KDM4B: variants seen among roughly 807,000 people sequenced by gnomAD.
KDM4B encodes lysine demethylase 4B, also known as lysine-specific demethylase 4B.
A neutral mutation model predicts 125.2 loss-of-function variants in KDM4B; 32 were observed. That is an observed-to-expected ratio of 0.26 (90% CI 0.19 to 0.34). The LOEUF is 0.34. Among genes scored for constraint, KDM4B ranks in the 10% least tolerant of loss-of-function variants. KDM4B has a pLI of 1.00. For missense variants in KDM4B, 1,190 were observed against 1,577.7 expected (o/e 0.75, Z 4.16); for synonymous variants, 721 against 677.9 (o/e 1.06, Z -0.99).
intron 9 of KDM4B, among the ~76,000 whole-genome samples, chr19:5,088,155 C>T (rs1333054257): frequency 1.6e-4 from 24 of 152,208 alleles, no homozygotes. Flanking sequence ...CCCCCCGACT[C>T]GGGTAGGCCC....
intron 11 of KDM4B, among the ~76,000 whole-genome samples, chr19:5,124,827 C>T (rs1014340460): frequency 1.3e-5 from 2 of 152,164 alleles, no homozygotes; most frequent in Admixed American, 6.6e-5. Context: ...AACTCCTGAC[C>T]TCAGGTGATC....
chr19:5,110,792 C>G lies in KDM4B; in HGVS notation c.1089C>G (p.Ala363=), dbSNP rs755824001. Residue 363 remains alanine, a synonymous_variant, in exon 10 of 23, where the codon GCC becomes GCG. Coordinates refer to ENST00000159111, the MANE Select transcript of KDM4B (RefSeq NM_015015.3). The part of the protein sequence containing the change: ...PELSSWSASR[A]SLKAKLLRRS... ...TGAGCTCCTGGAGTGCATCCCGGGC[C>G]TCGCTGAAGGCCAAGCTCCTCCGCA... 3 of 1,596,436 alleles carry G rather than the reference C, an allele frequency of 1.9e-6. No individual in the cohort carries two copies. Among genetic ancestry groups the G allele is most frequent in the East Asian group, 2.3e-5 (1 of 44,174 alleles).
At chr19:5,098,689 A>T (rs976955738) in intron 9 of KDM4B, among the ~76,000 whole-genome samples, 1 of 152,122 alleles carries the variant, frequency 6.6e-6, no homozygotes, top group Non-Finnish European at 1.5e-5. Context: ...CGACGAGGGC[A>T]TGAGGGTGAT....
chr19:5,107,555 G>A (rs1375612858), intron 9 of KDM4B, among the ~76,000 whole-genome samples: 1 of 152,188 alleles, frequency 6.6e-6, no homozygotes, highest in African/African-American at 2.4e-5. Flanking sequence ...GGACTCTGTG[G>A]TGAGGCTCCC....
At chr19:5,113,998 C>A in intron 10 of KDM4B, 1 of 1,257,978 alleles carries the variant, frequency 7.9e-7, no homozygotes, top group Admixed American at 2.5e-5. Context: ...TCTCGTTGAG[C>A]GAGCGTTGGG....
chr19:5,016,574 G>A (rs35329415), intron 2 of KDM4B, among the ~76,000 whole-genome samples: 14,083 of 152,250 alleles, frequency 0.092, 787 homozygotes, highest in Middle Eastern at 0.23. Flanking sequence ...CTCGCCCTTC[G>A]GCATCGAACC....
At chr19:5,126,632 C>A (rs772885637) in intron 11 of KDM4B, among the ~76,000 whole-genome samples, 12 of 152,240 alleles carry the variant, frequency 7.9e-5, no homozygotes, top group Non-Finnish European at 1.8e-4. Context: ...TTTTAGAACA[C>A]GGAAAGCAAA....
intron 1 of KDM4B, among the ~76,000 whole-genome samples, chr19:5,000,234 TATCCATCCACCCACCC>T (rs1260543761): frequency 5.1e-4 from 30 of 59,194 alleles, no homozygotes; most frequent in African/African-American, 1.6e-3. Context: ...TCCACCCACC[TATCCATCCACCCACCC>T]ATCCATCCAC....
intron 9 of KDM4B, among the ~76,000 whole-genome samples, chr19:5,102,563 G>T (rs569819872): frequency 6.6e-6 from 1 of 152,276 alleles, no homozygotes; most frequent in East Asian, 1.9e-4. Flanking sequence ...AGCAGGGGAG[G>T]AATGGGGCCG....
intron 1 of KDM4B, among the ~76,000 whole-genome samples, chr19:4,978,905 C>T (rs915388305): frequency 6.6e-6 from 1 of 152,154 alleles, no homozygotes; most frequent in Non-Finnish European, 1.5e-5. Flanking sequence ...TCATGCGTGC[C>T]TGGTCAGGGG....
intron 6 of KDM4B, among the ~76,000 whole-genome samples, chr19:5,065,954 T>C (rs1010673941): frequency 1.3e-5 from 2 of 151,992 alleles, no homozygotes; most frequent in African/African-American, 2.4e-5. Flanking sequence ...CTGAGCCTGG[T>C]GGGGCATCCC....
At chr19:5,093,898 G>A (rs1049377063) in intron 9 of KDM4B, among the ~76,000 whole-genome samples, 12 of 152,224 alleles carry the variant, frequency 7.9e-5, no homozygotes, top group African/African-American at 1.4e-4. Flanking sequence ...CTGCAGCTGC[G>A]GCCTGGTGTG....
Position 5,131,876 on chromosome 19 carries a change from G to T in KDM4B, c.1786-11G>T, listed in dbSNP as rs909110010. The T allele has an allele frequency of 5.0e-6, 8 of 1,612,752 alleles. No individual in the cohort carries two copies. The highest frequency in any genetic ancestry group is 6.8e-6 in the Non-Finnish European group (8 of 1,179,842). ...AGCGGGGCCCTCACTACAGCCTGTT[G>T]TGTGTTTCAGGCACCGTCCACATTT... On this transcript the variant is annotated splice_polypyrimidine_tract_variant and intron_variant, in intron 12 of 22. Coordinates refer to ENST00000159111, the MANE Select transcript of KDM4B (RefSeq NM_015015.3).
At chr19:5,034,481 C>T (rs62114358) in intron 3 of KDM4B, among the ~76,000 whole-genome samples, 32,238 of 152,214 alleles carry the variant, frequency 0.21, 4,507 homozygotes, top group East Asian at 0.65. Context: ...AGGGCAAACG[C>T]GTATTGTTTT....
intron 10 of KDM4B, among the ~76,000 whole-genome samples, chr19:5,116,633 A>G (rs916044637): frequency 2.6e-5 from 4 of 152,176 alleles, no homozygotes; most frequent in Admixed American, 6.5e-5. Flanking sequence ...CACCCTGCAT[A>G]GGAGACCACA....
rs1483362831 is a variant in KDM4B, at chr19:5,048,734, C to A, written c.626+1065C>A. Among the ~76,000 whole-genome samples, 12 of 152,382 alleles carry A rather than the reference C, an allele frequency of 7.9e-5. No individual in the cohort carries two copies. In the East Asian group the frequency reaches 1.2e-3, roughly 15 times the overall value. ...CCCAAGGGAAAGGCCCTGTAGAGGA[C>A]CCCGTGTGACTTGGGGCAAAGCGTG... On this transcript the variant is annotated intron_variant, in intron 6 of 22. Coordinates refer to ENST00000159111, the MANE Select transcript of KDM4B (RefSeq NM_015015.3).
chr19:5,143,680 G>A (rs567708014), intron 18 of KDM4B, among the ~76,000 whole-genome samples: 1 of 152,102 alleles, frequency 6.6e-6, no homozygotes, highest in Non-Finnish European at 1.5e-5. Context: ...GGGGACGGGA[G>A]AGGACTCCCC....
intron 1 of KDM4B, among the ~76,000 whole-genome samples, chr19:4,994,396 A>G (rs1176536839): frequency 1.3e-5 from 2 of 151,454 alleles, no homozygotes; most frequent in African/African-American, 4.8e-5. Context: ...ACATGGAGAA[A>G]CCTTGTCTCT....
At chr19:5,000,272 T>G (rs1043019482) in intron 1 of KDM4B, among the ~76,000 whole-genome samples, 3 of 136,800 alleles carry the variant, frequency 2.2e-5, no homozygotes, top group African/African-American at 8.2e-5. Flanking sequence ...CATTCACATA[T>G]CCGTCCATCC....
Sources: gnomAD v4.1 joint callset for allele counts (sites outside exome capture counted in the v4.1 genomes callset) on GRCh38, gnomAD v4.1.1 for gene constraint, MANE v1.5 for transcripts, NCBI Gene and HGNC (gene_info 2026-07-23, HGNC 2026-07-21) for gene names.